Variants in TMEFF2 observed in about 807,000 individuals in gnomAD.
TMEFF2 encodes the protein tomoregulin-2.
A neutral mutation model predicts 53.8 loss-of-function variants in TMEFF2; 28 were observed. The observed-to-expected ratio is 0.52, with a 90% CI of 0.39 to 0.71. TMEFF2 has a LOEUF of 0.71. TMEFF2 is among the 30% of genes least tolerant of loss of function. The pLI is 0.00. For missense variants in TMEFF2, 353 were observed against 455.2 expected (o/e 0.78, Z 2.04); for synonymous variants, 162 against 166.3 (o/e 0.97, Z 0.20).
rs1691790452 is a variant in TMEFF2, at chr2:191,949,176, G to T, written c.*1135C>A. 1 of 985,092 alleles carries T rather than the reference G, an allele frequency of 1.0e-6. No individual in the cohort carries two copies. The allele number at this position is 985,092 out of a possible 1,614,324, so 61.0% of individuals were successfully genotyped here. On this transcript the variant is annotated 3_prime_UTR_variant, in exon 10 of 10. Transcript: ENST00000272771. Reference sequence around the variant, plus strand: ...GAATTTTCACAGCTTATTTTTTCCAGATCAAGTTGTGATACCTATTTGTAT... The same window carrying T: ...GAATTTTCACAGCTTATTTTTTCCATATCAAGTTGTGATACCTATTTGTAT...
chr2:192,010,148 CTCTT>C (rs1686590776), intron 5 of TMEFF2, among the ~76,000 whole-genome samples: 1 of 152,160 alleles, frequency 6.6e-6, no homozygotes, highest in Non-Finnish European at 1.5e-5. Flanking sequence ...AATCATCTCT[CTCTT>C]TGTCCTCATC....
At chr2:192,161,046 A>C (rs374691157) in intron 4 of TMEFF2, among the ~76,000 whole-genome samples, 12 of 152,130 alleles carry the variant, frequency 7.9e-5, no homozygotes, top group African/African-American at 2.9e-4. Context: ...ACCCTAAGGA[A>C]GTGGGGACAC....
chr2:191,988,709 GAC>G (rs1426528850), intron 7 of TMEFF2, among the ~76,000 whole-genome samples: 1 of 151,880 alleles, frequency 6.6e-6, no homozygotes, highest in Non-Finnish European at 1.5e-5. Flanking sequence ...AATTTTTAAA[GAC>G]ATACTTTTGG....
intron 4 of TMEFF2, among the ~76,000 whole-genome samples, chr2:192,125,036 G>T (rs1689643818): frequency 6.6e-6 from 1 of 152,146 alleles, no homozygotes; most frequent in African/African-American, 2.4e-5. Flanking sequence ...TCCTAAAAGA[G>T]GCATTAATTA....
intron 4 of TMEFF2, among the ~76,000 whole-genome samples, chr2:192,070,997 G>A (rs1688282647): frequency 6.6e-6 from 1 of 150,898 alleles, no homozygotes; most frequent in African/African-American, 2.4e-5. Flanking sequence ...GGTATAGCAT[G>A]TAATTGCAAG....
intron 4 of TMEFF2, among the ~76,000 whole-genome samples, chr2:192,157,672 C>T (rs868045980): frequency 1.6e-4 from 25 of 152,068 alleles, no homozygotes; most frequent in Middle Eastern, 3.4e-3. Context: ...TCTACCGTCC[C>T]TATTCCCTCA....
intron 4 of TMEFF2, among the ~76,000 whole-genome samples, chr2:192,089,605 A>G (rs1009108602): frequency 1.3e-5 from 2 of 152,030 alleles, no homozygotes; most frequent in East Asian, 3.9e-4. Flanking sequence ...ATTTGGGTCT[A>G]CCTCTGGGTT....
chr2:192,171,602 A>G (rs904331084), intron 4 of TMEFF2, among the ~76,000 whole-genome samples: 3 of 151,928 alleles, frequency 2.0e-5, no homozygotes, highest in African/African-American at 7.2e-5. Flanking sequence ...TTTTAGCCCA[A>G]CTAACATCCT....
At chr2:192,131,730 T>C (rs1215580651) in intron 4 of TMEFF2, among the ~76,000 whole-genome samples, 1 of 152,100 alleles carries the variant, frequency 6.6e-6, no homozygotes, top group Non-Finnish European at 1.5e-5. Context: ...CCTTCTCCCT[T>C]AGCCTGTATT....
intron 5 of TMEFF2, among the ~76,000 whole-genome samples, chr2:192,047,575 T>C (rs890121512): frequency 1.3e-5 from 2 of 152,230 alleles, no homozygotes; most frequent in African/African-American, 2.4e-5. Flanking sequence ...TGATTTCTTA[T>C]GTTCCATTCA....
chr2:192,155,330 C>A (rs931631502), intron 4 of TMEFF2, among the ~76,000 whole-genome samples: 7 of 151,904 alleles, frequency 4.6e-5, no homozygotes, highest in African/African-American at 1.5e-4. Context: ...GACTCAGGAA[C>A]TATGTCTATC....
At chr2:192,091,321 A>G (rs1688785442) in intron 4 of TMEFF2, among the ~76,000 whole-genome samples, 1 of 152,138 alleles carries the variant, frequency 6.6e-6, no homozygotes, top group Admixed American at 6.6e-5. Flanking sequence ...CAGGGAAATC[A>G]CAGAGATGAT....
At chr2:191,989,588 T>C (rs1005276713) in intron 7 of TMEFF2, among the ~76,000 whole-genome samples, 1 of 152,166 alleles carries the variant, frequency 6.6e-6, no homozygotes, top group Non-Finnish European at 1.5e-5. Flanking sequence ...ATGTAAATTG[T>C]CTGTGAACAT....
intron 4 of TMEFF2, among the ~76,000 whole-genome samples, chr2:192,139,599 A>C (rs993239560): frequency 1.3e-5 from 2 of 152,342 alleles, no homozygotes; most frequent in African/African-American, 2.4e-5. Flanking sequence ...AAAATGGATA[A>C]AAGTCAAAGT....
intron 4 of TMEFF2, among the ~76,000 whole-genome samples, chr2:192,059,337 T>G (rs1213154101): frequency 6.6e-6 from 1 of 152,010 alleles, no homozygotes; most frequent in Non-Finnish European, 1.5e-5. Flanking sequence ...AGACAGCACT[T>G]ATCTTATTAT....
intron 7 of TMEFF2, among the ~76,000 whole-genome samples, chr2:191,986,776 AGAACCAGG>A (rs1685985709): frequency 6.6e-6 from 1 of 150,964 alleles, no homozygotes; most frequent in African/African-American, 2.4e-5. Context: ...GAGAATCACT[AGAACCAGG>A]GAAGCAGAGG....
intron 5 of TMEFF2, among the ~76,000 whole-genome samples, chr2:192,045,470 T>C (rs541976151): frequency 1.3e-5 from 2 of 152,234 alleles, no homozygotes; most frequent in Non-Finnish European, 2.9e-5. Flanking sequence ...TTGTGTCCCA[T>C]GTAAATATTT....
At chr2:192,012,158 C>G (rs1051273960) in intron 5 of TMEFF2, among the ~76,000 whole-genome samples, 6 of 152,218 alleles carry the variant, frequency 3.9e-5, no homozygotes, top group Non-Finnish European at 8.8e-5. Context: ...CCGCCTCGGC[C>G]TCCCAAAGTG....
At chr2:192,136,750 T>A (rs28419013) in intron 4 of TMEFF2, among the ~76,000 whole-genome samples, 23,610 of 152,056 alleles carry the variant, frequency 0.16, 2,640 homozygotes, top group African/African-American at 0.31. Context: ...AACATTAAGT[T>A]TCATAAATTA....
Sources: gnomAD v4.1 joint callset for allele counts (sites outside exome capture counted in the v4.1 genomes callset) on GRCh38, gnomAD v4.1.1 for gene constraint, MANE v1.5 for transcripts, NCBI Gene and HGNC (gene_info 2026-07-23, HGNC 2026-07-21) for gene names.